The following STK32B variants were observed in gnomAD, a reference collection of about 807,000 sequenced individuals.
The protein encoded by STK32B is serine/threonine kinase 32B.
A neutral mutation model predicts 52.6 loss-of-function variants in STK32B; 43 were observed. The ratio of observed to expected loss-of-function variants is 0.82; its 90% confidence interval spans 0.64 to 1.05. The LOEUF is 1.05. STK32B is among the 50% of genes least tolerant of loss of function. The pLI, the probability that STK32B is intolerant of heterozygous loss-of-function variation, is 0.00. For synonymous variants in STK32B, 238 were observed against 204.3 expected (o/e 1.17, Z -1.41); for missense variants, 621 against 534.6 (o/e 1.16, Z -1.59).
intron 1 of STK32B, among the ~76,000 whole-genome samples, chr4:5,096,057 T>G (rs1713371191): frequency 1.3e-5 from 2 of 152,234 alleles, no homozygotes; most frequent in Admixed American, 1.3e-4. Context: ...GTTTCTGTAT[T>G]TTCTATTAGA....
intron 6 of STK32B, among the ~76,000 whole-genome samples, chr4:5,417,674 T>C (rs1246940734): frequency 1.3e-5 from 2 of 152,242 alleles, no homozygotes; most frequent in Non-Finnish European, 2.9e-5. Flanking sequence ...TTTTCAGGTC[T>C]TATATAATTT....
chr4:5,434,203 AAGC>A (rs1713837384), intron 6 of STK32B, among the ~76,000 whole-genome samples: 1 of 152,196 alleles, frequency 6.6e-6, no homozygotes, highest in African/African-American at 2.4e-5. Flanking sequence ...ATGGGCAAGA[AAGC>A]AGGCACTGTC....
chr4:5,425,312 T>C (rs1161330962), intron 6 of STK32B, among the ~76,000 whole-genome samples: 2 of 152,148 alleles, frequency 1.3e-5, no homozygotes, highest in Admixed American at 6.5e-5. Context: ...CCTGTGACAG[T>C]GGGGCCACCA....
chr4:5,143,579 G>A (rs1716671432), intron 2 of STK32B, among the ~76,000 whole-genome samples: 1 of 152,102 alleles, frequency 6.6e-6, no homozygotes. Context: ...GAGCCACATG[G>A]TCCTGCAGAC....
chr4:5,470,038 T>C lies in STK32B; in HGVS notation c.1106+1968T>C, dbSNP rs1717735258. 6.6e-6 allele frequency among the ~76,000 whole-genome samples: 1 copy of C among 152,178 alleles called. No homozygotes were observed. The highest frequency in any genetic ancestry group is 2.1e-4 in the South Asian group (1 of 4,818). On this transcript the variant is annotated intron_variant, in intron 11 of 11. Coordinates refer to ENST00000282908, the MANE Select transcript of STK32B (RefSeq NM_018401.3). The surrounding 1 kb of genome is among the most constrained non-coding windows in gnomAD (Gnocchi z 4.6). ...CGTGAGCCTGCAAAAAGCTAAGCTG[T>C]GTGGGACCCAAGCAGACAGCAATCT...
At chr4:5,173,620 G>C (rs1446423582) in intron 3 of STK32B, among the ~76,000 whole-genome samples, 1 of 152,182 alleles carries the variant, frequency 6.6e-6, no homozygotes, top group African/African-American at 2.4e-5. Flanking sequence ...GGTTTTGAGT[G>C]AGTTTCTTAA....
intron 3 of STK32B, among the ~76,000 whole-genome samples, chr4:5,171,904 G>A (rs1399444199): frequency 6.6e-6 from 1 of 151,296 alleles, no homozygotes; most frequent in Non-Finnish European, 1.5e-5. Context: ...TGGGCAGTAT[G>A]GCCATTTTCA....
At position 5,058,819 on chromosome 4, in the gene STK32B, C is replaced by T. The variant is rs1268917463; in HGVS notation, c.52+6904C>T. Among the ~76,000 whole-genome samples, 1 of 152,068 alleles carries T rather than the reference C, an allele frequency of 6.6e-6. No homozygotes were observed. The highest frequency in any genetic ancestry group is 2.4e-5 in the African/African-American group (1 of 41,436). On this transcript the variant is annotated intron_variant, in intron 1 of 11. Transcript: ENST00000282908. This position sits in a 1 kb window ranked among gnomAD's most constrained non-coding sequence, Gnocchi z 4.8. ...AGGATGGAGTGCAGTGGCGTGGTAT[C>T]AGCTCACTGCAACCTCTGCCTCCCA...
chr4:5,216,534 A>G (rs528662335), intron 3 of STK32B, among the ~76,000 whole-genome samples: 25 of 152,164 alleles, frequency 1.6e-4, no homozygotes, highest in African/African-American at 2.7e-4. Flanking sequence ...AACCTGAAAA[A>G]TAGATAGGAG....
chr4:5,281,378 G>A (rs991441306), intron 3 of STK32B, among the ~76,000 whole-genome samples: 5 of 152,110 alleles, frequency 3.3e-5, no homozygotes, highest in Non-Finnish European at 1.5e-5. Context: ...ACTCGTAAGT[G>A]GTAGTTGAAC....
In STK32B at chr4:5,499,991, G is replaced by C. The variant is rs1348170876; in HGVS notation, c.*908G>C. ...CAGCTTGTCAGATTCTTCTTACAGA[G>C]AGTATCCAATCGGTATTGGTGGAGC... On this transcript the variant is annotated 3_prime_UTR_variant, in exon 12 of 12. Transcript: ENST00000282908. The C allele has an allele frequency of 6.6e-6, 1 of 152,232 alleles. No individual in the cohort carries two copies. Among genetic ancestry groups the C allele is most frequent in the Non-Finnish European group, 1.5e-5 (1 of 68,054 alleles). The allele number at this position is 152,232 out of a possible 1,614,324, so 9.4% of individuals were successfully genotyped here.
intron 1 of STK32B, among the ~76,000 whole-genome samples, chr4:5,117,584 A>G (rs1278639916): frequency 1.3e-5 from 2 of 151,700 alleles, no homozygotes; most frequent in African/African-American, 2.4e-5. Context: ...TTTTTAGCCT[A>G]TTTTTTCAAT....
At chr4:5,333,778 G>C (rs1202839003) in intron 4 of STK32B, among the ~76,000 whole-genome samples, 1 of 151,814 alleles carries the variant, frequency 6.6e-6, no homozygotes, top group African/African-American at 2.4e-5. Flanking sequence ...TCAAAGATCA[G>C]ATAGTTGTAG....
intron 1 of STK32B, among the ~76,000 whole-genome samples, chr4:5,076,146 A>T (rs533508720): frequency 1.3e-5 from 2 of 152,254 alleles, no homozygotes; most frequent in East Asian, 3.9e-4. Flanking sequence ...ATAAAGTCAC[A>T]TGACCAAGAG....
rs559392413 is a variant in STK32B, at chr4:5,378,543, T to A, written c.435-19664T>A. ...CTTTCTGTTTTCTTCTTTTTTTGCA[T>A]TCTATAGTATTGATAGGGTTTGTTA... On this transcript the variant is annotated intron_variant, in intron 4 of 11. Coordinates refer to ENST00000282908, the MANE Select transcript of STK32B (RefSeq NM_018401.3). This position sits in a 1 kb window ranked among gnomAD's most constrained non-coding sequence, Gnocchi z 4.4. Among the ~76,000 whole-genome samples the A allele has an allele frequency of 6.6e-6, 1 of 152,326 alleles. No homozygotes were observed. Among genetic ancestry groups the A allele is most frequent in the African/African-American group, 2.4e-5 (1 of 41,574 alleles).
At position 5,072,734 on chromosome 4, in the gene STK32B, A is replaced by C. The variant is rs528043026; in HGVS notation, c.52+20819A>C. ...TCTGTTACTGGTGTACTGTTTCATA[A>C]ATCTCACTTAGGGTAAGTCTCCCAT... On this transcript the variant is annotated intron_variant, in intron 1 of 11. Transcript: ENST00000282908. Among the ~76,000 whole-genome samples, 38 of 152,318 alleles carry C rather than the reference A, an allele frequency of 2.5e-4. 4 individuals are homozygous for C. The East Asian group carries it at 2.7e-3, about 11-fold the overall frequency.
rs774839532 is a variant in STK32B, at chr4:5,421,616, A to T, written c.562+4682A>T. Among the ~76,000 whole-genome samples the T allele has an allele frequency of 1.3e-3, 204 of 152,294 alleles. 1 individual carries two copies. The highest frequency in any genetic ancestry group is 4.5e-3 in the African/African-American group (187 of 41,572). On this transcript the variant is annotated intron_variant, in intron 6 of 11. Transcript: ENST00000282908. Reference sequence around the variant, plus strand: ...TCACTCGAGCCTCCTCAAAGGCTCTACTGGGGCTTCCTGACCTTGCTCCTG... The same window carrying T: ...TCACTCGAGCCTCCTCAAAGGCTCTTCTGGGGCTTCCTGACCTTGCTCCTG...
chr4:5,124,508 C>T (rs1715241921), intron 1 of STK32B, among the ~76,000 whole-genome samples: 1 of 152,092 alleles, frequency 6.6e-6, no homozygotes, highest in Non-Finnish European at 1.5e-5. Context: ...GTTCCTGGCT[C>T]AGGGCCTGGA....
At position 5,053,994 on chromosome 4, in the gene STK32B, AATAAATAAAT is replaced by A. The variant is rs1553814636; in HGVS notation, c.52+2094_52+2103del. Among the ~76,000 whole-genome samples, 4 of 147,936 alleles carry A rather than the reference AATAAATAAAT, an allele frequency of 2.7e-5. No homozygotes were observed. In the East Asian group the frequency reaches 6.0e-4, roughly 22 times the overall value. On this transcript the variant is annotated intron_variant, in intron 1 of 11. Coordinates refer to ENST00000282908, the MANE Select transcript of STK32B (RefSeq NM_018401.3). ...AGCTCCATCTCAAAATAAATAAATAAATAAATAAATATAAATAAATATAAGGTTAGGGCTC... is the reference window on the plus strand; with the variant it reads ...AGCTCCATCTCAAAATAAATAAATAAATAAATAAATATAAGGTTAGGGCTC...
Sources: allele counts gnomAD v4.1 joint callset (sites outside exome capture counted in the v4.1 genomes callset), GRCh38; gene constraint gnomAD v4.1.1; non-coding constraint Gnocchi (gnomAD v3.1); transcripts MANE v1.5; gene names NCBI Gene and HGNC (gene_info 2026-07-23, HGNC 2026-07-21).